MEGF9: variants seen among roughly 807,000 people sequenced by gnomAD.
The protein encoded by MEGF9 is multiple EGF like domains 9.
In MEGF9, 6 loss-of-function variants were observed where a neutral mutation model predicts 46.8. That is an observed-to-expected ratio of 0.13 (90% CI 0.07 to 0.25). The LOEUF (loss-of-function observed/expected upper bound fraction) is 0.25, where lower values mean the gene tolerates loss of function less well. MEGF9 is among the 10% of genes least tolerant of loss of function. MEGF9 has a pLI of 1.00. For synonymous variants in MEGF9, 302 were observed against 330.7 expected (o/e 0.91, Z 0.94); for missense variants, 683 against 792.4 (o/e 0.86, Z 1.66).
At chr9:120,710,541 G>A (rs2132348044) in intron 1 of MEGF9, among the ~76,000 whole-genome samples, 1 of 152,002 alleles carries the variant, frequency 6.6e-6, no homozygotes, top group Non-Finnish European at 1.5e-5. Flanking sequence ...TTGCAGATCA[G>A]TGTCCTTGTA....
At position 120,608,028 on chromosome 9, in the gene MEGF9, A is replaced by G; in HGVS notation, c.1088-18T>C. The G allele has an allele frequency of 6.2e-7, 1 of 1,612,758 alleles. No homozygotes were observed. ...ACTCGATTCTAAAAGAGAGAATGCC[A>G]AAATAGTTTAGTACAGTCTGAAGCT... On this transcript the variant is annotated intron_variant, in intron 4 of 5. Transcript: ENST00000373930.
At chr9:120,633,908 G>A (rs1413368752) in intron 2 of MEGF9, among the ~76,000 whole-genome samples, 1 of 151,984 alleles carries the variant, frequency 6.6e-6, no homozygotes, top group Non-Finnish European at 1.5e-5. Flanking sequence ...TCCTCTAATT[G>A]TTGATTTCTA....
chr9:120,704,965 C>T (rs1564431950), intron 1 of MEGF9, among the ~76,000 whole-genome samples: 1 of 151,970 alleles, frequency 6.6e-6, no homozygotes, highest in Non-Finnish European at 1.5e-5. Context: ...AATAAATTTG[C>T]TACTTATTCA....
intron 2 of MEGF9, among the ~76,000 whole-genome samples, chr9:120,645,120 CA>C (rs1209218012): frequency 6.6e-6 from 1 of 152,082 alleles, no homozygotes; most frequent in Non-Finnish European, 1.5e-5. Flanking sequence ...AAGGGTTTAA[CA>C]AGACTCTTTA....
intron 1 of MEGF9, among the ~76,000 whole-genome samples, chr9:120,672,457 T>A (rs537453862): frequency 3.7e-4 from 56 of 150,626 alleles, no homozygotes; most frequent in Middle Eastern, 3.4e-3. Context: ...AATAAATAAA[T>A]AAATAAATAA....
At chr9:120,650,629 G>A in intron 2 of MEGF9, among the ~76,000 whole-genome samples, 1 of 152,190 alleles carries the variant, frequency 6.6e-6, no homozygotes, top group Non-Finnish European at 1.5e-5. Context: ...ATAGGGAAAT[G>A]AATTTTTTAA....
At chr9:120,657,393 A>G (rs2043681932) in intron 2 of MEGF9, among the ~76,000 whole-genome samples, 1 of 152,268 alleles carries the variant, frequency 6.6e-6, no homozygotes, top group Non-Finnish European at 1.5e-5. Context: ...TTATGAATAC[A>G]GTAAGATAGT....
chr9:120,619,890 G>C (rs2043490516), intron 3 of MEGF9, among the ~76,000 whole-genome samples: 4 of 152,210 alleles, frequency 2.6e-5, no homozygotes, highest in Admixed American at 2.6e-4. Context: ...AAACAGTAGA[G>C]GGGGTGAAAA....
chr9:120,684,975 C>A lies in MEGF9; in HGVS notation c.602-25400G>T, dbSNP rs186914452. Among the ~76,000 whole-genome samples the A allele has an allele frequency of 1.0e-3, 156 of 152,206 alleles. 2 individuals carry two copies. Among genetic ancestry groups the A allele is most frequent in the Admixed American group, 9.9e-3 (152 of 15,282 alleles). On this transcript the variant is annotated intron_variant, in intron 1 of 5. Coordinates refer to ENST00000373930, the MANE Select transcript of MEGF9 (RefSeq NM_001080497.3). ...TCAGCTTCCTGAGTAGTTGGGACTA[C>A]AGGCGCCCACCACCACGCCCAGCTA...
In MEGF9 at chr9:120,605,743, T is replaced by A; in HGVS notation, c.1358-102A>T. 1 of 807,660 alleles carries A rather than the reference T, an allele frequency of 1.2e-6. No individual in the cohort carries two copies. The highest frequency in any genetic ancestry group is 1.9e-6 in the Non-Finnish European group (1 of 514,192). 50.0% of individuals were successfully genotyped at this position (807,660 alleles called of 1,614,324 possible). A position where few individuals can be genotyped will look rare whatever the true frequency, so the allele number is the denominator to read the frequency against. ...GGGAGTGAATGTTGATGTAGGATGT[T>A]AACATGATATTCTGCTTTAAGGTAA... On this transcript the variant is annotated intron_variant, in intron 5 of 5. Transcript: ENST00000373930. The surrounding 1 kb of genome is among the most constrained non-coding windows in gnomAD (Gnocchi z 4.0).
At chr9:120,637,790 CAAAAAA>C (rs34861368) in intron 2 of MEGF9, among the ~76,000 whole-genome samples, 82 of 34,786 alleles carry the variant, frequency 2.4e-3, no homozygotes, top group African/African-American at 6.2e-3. Context: ...GACTCTGTCT[CAAAAAA>C]AAAAAAAAAA....
chr9:120,661,107 A>G (rs968952760), intron 1 of MEGF9, among the ~76,000 whole-genome samples: 1 of 152,222 alleles, frequency 6.6e-6, no homozygotes, highest in Non-Finnish European at 1.5e-5. Context: ...AGATTCCTCA[A>G]AGAAATTCCC....
intron 1 of MEGF9, among the ~76,000 whole-genome samples, chr9:120,674,227 C>T (rs1332035976): frequency 6.6e-6 from 1 of 152,154 alleles, no homozygotes; most frequent in African/African-American, 2.4e-5. Context: ...GGAGAAAATA[C>T]TTGCAAATCA....
At chr9:120,675,439 A>T (rs552099924) in intron 1 of MEGF9, among the ~76,000 whole-genome samples, 103 of 152,094 alleles carry the variant, frequency 6.8e-4, no homozygotes, top group African/African-American at 2.4e-3. Context: ...AAAAATTTTT[A>T]AAAATTACTC....
chr9:120,665,529 C>T (rs2043721076), intron 1 of MEGF9, among the ~76,000 whole-genome samples: 1 of 152,082 alleles, frequency 6.6e-6, no homozygotes, highest in African/African-American at 2.4e-5. Flanking sequence ...CTTTCATGAG[C>T]TCGAATTTTT....
intron 1 of MEGF9, among the ~76,000 whole-genome samples, chr9:120,676,955 G>C (rs112822411): frequency 0.046 from 6,981 of 152,184 alleles, 220 homozygotes; most frequent in Non-Finnish European, 0.072. Context: ...GTAAGTGGTT[G>C]AGACAACATT....
At chr9:120,703,979 A>G (rs924392402) in intron 1 of MEGF9, among the ~76,000 whole-genome samples, 3 of 151,786 alleles carry the variant, frequency 2.0e-5, no homozygotes, top group Non-Finnish European at 4.4e-5. Context: ...TCTCAAAAAA[A>G]AAAAAGATAA....
rs569251482 is a variant in MEGF9, at chr9:120,601,015, AATGC to A, written c.*4171_*4174del. 5.9e-3 allele frequency: 896 copies of A among 152,796 alleles called. 7 individuals carry two copies. Among genetic ancestry groups the A allele is most frequent in the Non-Finnish European group, 0.01 (692 of 68,032 alleles). The allele number at this position is 152,796 out of a possible 1,614,324, so 9.5% of individuals were successfully genotyped here. A position where few individuals can be genotyped will look rare whatever the true frequency, so the allele number is the denominator to read the frequency against. ...TATTCAAATCATACACAAATTTAGA[AATGC>A]ATGATGAAGCCTAGTACAGCATATG... is the stretch of plus-strand genomic sequence containing the variant. On this transcript the variant is annotated 3_prime_UTR_variant, in exon 6 of 6. Transcript: ENST00000373930.
chr9:120,626,307 A>T (rs534765004), intron 2 of MEGF9, among the ~76,000 whole-genome samples: 24 of 152,264 alleles, frequency 1.6e-4, no homozygotes, highest in Non-Finnish European at 3.5e-4. Context: ...GCTACGCTGC[A>T]TTAAGTGTAA....
Sources: gnomAD v4.1 joint callset for allele counts (sites outside exome capture counted in the v4.1 genomes callset) on GRCh38, gnomAD v4.1.1 for gene constraint, Gnocchi (gnomAD v3.1) non-coding constraint, MANE v1.5 for transcripts, NCBI Gene and HGNC (gene_info 2026-07-23, HGNC 2026-07-21) for gene names.